The following C8orf34 variants were observed in gnomAD, a reference collection of about 807,000 sequenced individuals.
The protein encoded by C8orf34 is uncharacterized protein C8orf34.
Under a neutral mutation model 68.3 loss-of-function variants are expected in C8orf34, and 65 were observed. The ratio of observed to expected loss-of-function variants is 0.95; its 90% confidence interval spans 0.78 to 1.17. The LOEUF (loss-of-function observed/expected upper bound fraction) is 1.17, where lower values mean the gene tolerates loss of function less well. Among genes scored for constraint, C8orf34 ranks in the 50% most tolerant of loss-of-function variants. C8orf34 has a pLI of 0.00. For synonymous variants in C8orf34, 244 were observed against 241.2 expected (o/e 1.01, Z -0.11); for missense variants, 664 against 655.4 (o/e 1.01, Z -0.14).
intron 10 of C8orf34, among the ~76,000 whole-genome samples, chr8:68,751,504 A>C (rs1822707778): frequency 6.6e-6 from 1 of 152,198 alleles, no homozygotes; most frequent in African/African-American, 2.4e-5. Flanking sequence ...GGTGAGTCTT[A>C]ATAGAAAAAT....
intron 8 of C8orf34, among the ~76,000 whole-genome samples, chr8:68,657,971 C>T (rs1269072169): frequency 1.3e-5 from 2 of 152,086 alleles, no homozygotes; most frequent in Non-Finnish European, 2.9e-5. Context: ...ATTATGGTCT[C>T]AAATATTTAC....
chr8:68,680,028 A>C (rs1295249692), intron 8 of C8orf34, among the ~76,000 whole-genome samples: 1 of 152,324 alleles, frequency 6.6e-6, no homozygotes, highest in South Asian at 2.1e-4. Context: ...AAATATCTTG[A>C]GTTATCTCTA....
chr8:68,560,330 A>G (rs1816385210), intron 7 of C8orf34, among the ~76,000 whole-genome samples: 1 of 152,180 alleles, frequency 6.6e-6, no homozygotes, highest in Non-Finnish European at 1.5e-5. Flanking sequence ...GTACTATCTT[A>G]TAGTTACACA....
intron 1 of C8orf34, among the ~76,000 whole-genome samples, chr8:68,333,092 T>C (rs960254184): frequency 3.3e-5 from 5 of 152,142 alleles, no homozygotes; most frequent in African/African-American, 4.8e-5. Context: ...ATAAATACTG[T>C]TTTAATTTGT....
At chr8:68,561,548 G>A (rs1288599673) in intron 7 of C8orf34, among the ~76,000 whole-genome samples, 1 of 152,152 alleles carries the variant, frequency 6.6e-6, no homozygotes, top group East Asian at 1.9e-4. Context: ...CCTGAGGTCA[G>A]TAGTTCAAGA....
intron 1 of C8orf34, among the ~76,000 whole-genome samples, chr8:68,431,551 G>T (rs1810452663): frequency 6.6e-6 from 1 of 152,164 alleles, no homozygotes; most frequent in Non-Finnish European, 1.5e-5. Context: ...ATCCTTAACT[G>T]AAAGTATTTC....
chr8:68,532,918 A>G, intron 6 of C8orf34, 65 bp from the exon 7 acceptor site: 1 of 1,200,426 alleles, frequency 8.3e-7, no homozygotes, highest in South Asian at 1.5e-5. Context: ...AAATAACCAA[A>G]TGGAAATTTA....
intron 7 of C8orf34, among the ~76,000 whole-genome samples, chr8:68,572,204 C>T (rs1158708545): frequency 1.3e-5 from 2 of 151,016 alleles, no homozygotes; most frequent in Non-Finnish European, 2.9e-5. Context: ...CTGACTGAAA[C>T]GTTATGTGGA....
chr8:68,360,753 TTTC>T (rs1169803951), intron 1 of C8orf34, among the ~76,000 whole-genome samples: 4 of 136,668 alleles, frequency 2.9e-5, no homozygotes, highest in African/African-American at 1.3e-4. Flanking sequence ...CTTTTCTTCC[TTTC>T]TTTTTTTTTT....
At chr8:68,590,481 G>A (rs1322957114) in intron 7 of C8orf34, among the ~76,000 whole-genome samples, 9 of 152,040 alleles carry the variant, frequency 5.9e-5, no homozygotes, top group Admixed American at 3.3e-4. Context: ...CCTGTTGTAC[G>A]GGAACAGGAG....
chr8:68,645,921 G>A (rs1425504663), intron 8 of C8orf34, among the ~76,000 whole-genome samples: 1 of 152,174 alleles, frequency 6.6e-6, no homozygotes, highest in Admixed American at 6.5e-5. Context: ...TTGAACTGAA[G>A]GAGACTGGTA....
At chr8:68,784,507 C>T (rs1236775132) in intron 11 of C8orf34, among the ~76,000 whole-genome samples, 1 of 152,128 alleles carries the variant, frequency 6.6e-6, no homozygotes, top group African/African-American at 2.4e-5. Context: ...CTAAACACAG[C>T]CCACACTTAA....
intron 1 of C8orf34, among the ~76,000 whole-genome samples, chr8:68,398,797 A>T (rs540064278): frequency 1.3e-5 from 2 of 152,278 alleles, no homozygotes; most frequent in East Asian, 3.9e-4. Context: ...TTGTTTTGCT[A>T]AATATGCAAT....
At chr8:68,694,334 C>A (rs970318435) in intron 8 of C8orf34, among the ~76,000 whole-genome samples, 2 of 151,862 alleles carry the variant, frequency 1.3e-5, no homozygotes, top group Admixed American at 6.6e-5. Flanking sequence ...GAAATGATGA[C>A]AATTTGGTTG....
intron 7 of C8orf34, among the ~76,000 whole-genome samples, chr8:68,589,917 TG>T (rs1205955058): frequency 2.7e-5 from 2 of 73,790 alleles, no homozygotes; most frequent in Non-Finnish European, 5.0e-5. Flanking sequence ...AAGAAAAAGA[TG>T]GGGGAGGGAG....
intron 7 of C8orf34, among the ~76,000 whole-genome samples, chr8:68,550,132 T>C (rs1816016981): frequency 6.6e-6 from 1 of 151,812 alleles, no homozygotes; most frequent in Non-Finnish European, 1.5e-5. Flanking sequence ...TTTCTTGTTT[T>C]CTATGTATTA....
rs564173901 is a variant in C8orf34 at position 68,798,676 on chromosome 8, G to A, written c.1549+11140G>A. Among the ~76,000 whole-genome samples, 13 of 152,148 alleles carry A rather than the reference G, an allele frequency of 8.5e-5. No individual in the cohort carries two copies. The East Asian group carries it at 2.3e-3, about 27-fold the overall frequency. ...ATTGCAATTTTTCATTATAATACTG[G>A]TTGTAGAGAATTATTTGGATCTGAA... On this transcript the variant is annotated intron_variant, in intron 12 of 13. Coordinates refer to ENST00000518698, the MANE Select transcript of C8orf34 (RefSeq NM_052958.4).
chr8:68,355,039 C>T (rs76973171), intron 1 of C8orf34, among the ~76,000 whole-genome samples: 3,889 of 152,056 alleles, frequency 0.026, 73 homozygotes, highest in Non-Finnish European at 0.042. Flanking sequence ...AATATTTATT[C>T]TTTTAAGATC....
intron 1 of C8orf34, among the ~76,000 whole-genome samples, chr8:68,331,704 A>T (rs1414544008): frequency 6.8e-6 from 1 of 147,678 alleles, no homozygotes; most frequent in African/African-American, 2.5e-5. Flanking sequence ...TGTGTTGCAC[A>T]CGCACACTTT....
Sources: gnomAD v4.1 joint callset for allele counts (sites outside exome capture counted in the v4.1 genomes callset) on GRCh38, gnomAD v4.1.1 for gene constraint, MANE v1.5 for transcripts, NCBI Gene and HGNC (gene_info 2026-07-23, HGNC 2026-07-21) for gene names.